PTPRO: variants seen among roughly 807,000 people sequenced by gnomAD.
PTPRO encodes the protein receptor-type tyrosine-protein phosphatase O.
In PTPRO, 62 loss-of-function variants were observed where a neutral mutation model predicts 145.2. That is an observed-to-expected ratio of 0.43 (90% CI 0.35 to 0.53). PTPRO has a LOEUF of 0.53. Ranked by LOEUF, PTPRO falls within the 20% of genes least tolerant of loss-of-function variation. The probability of loss-of-function intolerance (pLI) is 0.01; values close to 1 mark genes in which losing one functional copy is unlikely to be tolerated. For missense variants in PTPRO, 1,345 were observed against 1,482.7 expected (o/e 0.91, Z 1.53); for synonymous variants, 565 against 514.7 (o/e 1.10, Z -1.32).
At chr12:15,421,055 ATTGT>A (rs1381798081) in intron 1 of PTPRO, among the ~76,000 whole-genome samples, 1 of 152,192 alleles carries the variant, frequency 6.6e-6, no homozygotes, top group East Asian at 1.9e-4. Context: ...TTTTGCCATT[ATTGT>A]TTATTTATCT....
At chr12:15,538,773 T>C (rs1054683173) in intron 12 of PTPRO, among the ~76,000 whole-genome samples, 4 of 152,184 alleles carry the variant, frequency 2.6e-5, no homozygotes, top group African/African-American at 9.7e-5. Flanking sequence ...GGTAACTCGC[T>C]GATTGGGAGG....
intron 1 of PTPRO, among the ~76,000 whole-genome samples, chr12:15,340,876 G>T (rs1247271413): frequency 6.6e-6 from 1 of 152,076 alleles, no homozygotes; most frequent in Admixed American, 6.6e-5. Context: ...TCTTCCTTTT[G>T]ATTACATTAG....
In PTPRO at chr12:15,508,657, T is replaced by C. The variant is rs773508244; in HGVS notation, c.1354T>C (p.Ser452Pro). 1 of 1,614,062 alleles carries C rather than the reference T, an allele frequency of 6.2e-7. No homozygotes were observed. Among genetic ancestry groups the C allele is most frequent in the Non-Finnish European group, 8.5e-7 (1 of 1,179,992 alleles). ...HVLSSTTALM[S>P]WTSSQENYNS... ...TTTAAGCTCAACCACTGCCTTGATG[T>C]CCTGGACATCTTCCCAAGAGAACTA... is the stretch of plus-strand genomic sequence containing the variant. The change falls in exon 7 of 27, where the codon TCC becomes CCC. Residue 452 changes from serine (S) to proline (P), a missense_variant. This residue lies in a region of PTPRO where 1,130 missense variants were observed against 1,214.7 expected (regional missense o/e 0.93). Coordinates refer to ENST00000281171, the MANE Select transcript of PTPRO (RefSeq NM_030667.3).
intron 8 of PTPRO, among the ~76,000 whole-genome samples, chr12:15,515,988 T>G (rs781427407): frequency 2.3e-4 from 18 of 77,256 alleles, no homozygotes; most frequent in Non-Finnish European, 3.2e-4. Flanking sequence ...TTTTTTTTTG[T>G]TTTGTTTTTT....
intron 1 of PTPRO, among the ~76,000 whole-genome samples, chr12:15,407,248 T>G (rs1565611760): frequency 6.6e-6 from 1 of 152,194 alleles, no homozygotes; most frequent in African/African-American, 2.4e-5. Context: ...TAGAAAAGTC[T>G]AAGGACAAGT....
intron 9 of PTPRO, among the ~76,000 whole-genome samples, chr12:15,517,482 C>T (rs1325130989): frequency 2.0e-5 from 3 of 152,168 alleles, no homozygotes; most frequent in Non-Finnish European, 4.4e-5. Flanking sequence ...ACCAATCATG[C>T]CTTCCCAACA....
chr12:15,496,760 G>A (rs555493698), intron 2 of PTPRO, among the ~76,000 whole-genome samples: 2 of 152,238 alleles, frequency 1.3e-5, no homozygotes, highest in South Asian at 4.1e-4. Flanking sequence ...TATGTTCACA[G>A]GAAGAAATAA....
Position 15,322,747 on chromosome 12 carries a change from G to T in PTPRO, c.21G>T (p.Gly7=). Residue 7 remains glycine (G), a synonymous_variant, in exon 1 of 27, where the codon GGG becomes GGT. Transcript: ENST00000281171. The surrounding 1 kb of genome is among the most constrained non-coding windows in gnomAD (Gnocchi z 6.3). ...CAGCGATGGGGCACCTGCCCACGGGGATACACGGCGCCCGCCGCCTCCTGC... is the reference window on the plus strand; with the variant it reads ...CAGCGATGGGGCACCTGCCCACGGGTATACACGGCGCCCGCCGCCTCCTGC... MGHLPT[G]IHGARRLLPL... is the part of the protein sequence containing the mutation. 6.2e-7 allele frequency: 1 copy of T among 1,612,122 alleles called. No individual in the cohort carries two copies. Among genetic ancestry groups the T allele is most frequent in the Non-Finnish European group, 8.5e-7 (1 of 1,179,402 alleles).
intron 23 of PTPRO, among the ~76,000 whole-genome samples, chr12:15,585,465 G>C (rs1322021267): frequency 6.6e-6 from 1 of 152,172 alleles, no homozygotes; most frequent in Non-Finnish European, 1.5e-5. Flanking sequence ...GCATGCTGCT[G>C]GGGATATATT....
At chr12:15,542,757 A>C (rs919704901) in intron 12 of PTPRO, among the ~76,000 whole-genome samples, 1 of 152,216 alleles carries the variant, frequency 6.6e-6, no homozygotes, top group Non-Finnish European at 1.5e-5. Flanking sequence ...ATTATTAATA[A>C]GATATTTTAT....
intron 1 of PTPRO, among the ~76,000 whole-genome samples, chr12:15,449,348 T>A (rs908667432): frequency 1.3e-4 from 20 of 152,226 alleles, no homozygotes; most frequent in African/African-American, 4.6e-4. Flanking sequence ...TAGGTTACAG[T>A]TCATCCACAT....
At chr12:15,571,348 C>T (rs893130099) in intron 19 of PTPRO, among the ~76,000 whole-genome samples, 2 of 152,116 alleles carry the variant, frequency 1.3e-5, no homozygotes, top group Admixed American at 6.5e-5. Flanking sequence ...AGAGCAGTGG[C>T]GCGATCTTGG....
At chr12:15,528,522 CAA>C (rs34411111) in intron 12 of PTPRO, among the ~76,000 whole-genome samples, 2 of 130,210 alleles carry the variant, frequency 1.5e-5, no homozygotes, top group Admixed American at 7.6e-5. Flanking sequence ...AAGAATCTGT[CAA>C]AAAAAAAAAA....
chr12:15,542,831 T>C (rs892903965), intron 12 of PTPRO, among the ~76,000 whole-genome samples: 2 of 152,226 alleles, frequency 1.3e-5, no homozygotes, highest in African/African-American at 4.8e-5. Flanking sequence ...CCTCTCAATT[T>C]GGACTAGCCA....
At chr12:15,478,110 G>C (rs944187173) in intron 1 of PTPRO, among the ~76,000 whole-genome samples, 1 of 152,152 alleles carries the variant, frequency 6.6e-6, no homozygotes, top group Admixed American at 6.5e-5. Flanking sequence ...TTGGGACACT[G>C]ACAAAGCAAA....
At chr12:15,342,630 C>A (rs887287048) in intron 1 of PTPRO, among the ~76,000 whole-genome samples, 1 of 152,176 alleles carries the variant, frequency 6.6e-6, no homozygotes. Flanking sequence ...TTGCTCAGTG[C>A]CCAGTGGGGC....
intron 1 of PTPRO, among the ~76,000 whole-genome samples, chr12:15,430,050 C>T (rs150650459): frequency 1.8e-3 from 267 of 151,768 alleles, no homozygotes; most frequent in Middle Eastern, 0.017. Flanking sequence ...CTTGAGTTTG[C>T]GGTGCCTTTC....
chr12:15,523,981 T>G (rs1463220592), intron 10 of PTPRO, among the ~76,000 whole-genome samples: 7 of 151,666 alleles, frequency 4.6e-5, no homozygotes, highest in Non-Finnish European at 1.0e-4. Flanking sequence ...AATTTTTTTG[T>G]AGAGATGGGG....
chr12:15,392,601 A>T (rs1440097017), intron 1 of PTPRO, among the ~76,000 whole-genome samples: 1 of 151,732 alleles, frequency 6.6e-6, no homozygotes, highest in Non-Finnish European at 1.5e-5. Flanking sequence ...CACACCTGTA[A>T]TCCCAGCTAC....
Sources: allele counts gnomAD v4.1 joint callset (sites outside exome capture counted in the v4.1 genomes callset), GRCh38; gene constraint gnomAD v4.1.1; regional missense constraint gnomAD v4.1.1; non-coding constraint Gnocchi (gnomAD v3.1); transcripts MANE v1.5; gene names NCBI Gene and HGNC (gene_info 2026-07-23, HGNC 2026-07-21).